The following CACNA1D variants were observed in gnomAD, a reference collection of about 807,000 sequenced individuals.
CACNA1D encodes the protein voltage-dependent L-type calcium channel subunit alpha-1D.
A neutral mutation model predicts 257.1 loss-of-function variants in CACNA1D; 55 were observed. The ratio of observed to expected loss-of-function variants is 0.21; its 90% CI spans 0.17 to 0.27. The LOEUF is 0.27. CACNA1D is among the 10% of genes least tolerant of loss of function. CACNA1D has a pLI of 1.00. For missense variants in CACNA1D, 1,876 were observed against 2,784.0 expected, an observed-to-expected ratio of 0.67 and a Z score of 7.34; for synonymous variants, 980 against 1,014.9, an observed-to-expected ratio of 0.97 and a Z score of 0.65.
chr3:53,656,192 T>C (rs1050973809), intron 4 of CACNA1D, among the ~76,000 whole-genome samples: 4 of 152,336 alleles, frequency 2.6e-5, no homozygotes, highest in African/African-American at 9.6e-5. Context: ...CCCTGTATTA[T>C]AATTTGAAGT....
chr3:53,692,802 T>A (rs1349563679), intron 8 of CACNA1D, among the ~76,000 whole-genome samples: 1 of 152,184 alleles, frequency 6.6e-6, no homozygotes, highest in African/African-American at 2.4e-5. Context: ...TCACGCCTGT[T>A]TTCCCAGCAC....
chr3:53,796,770 G>T (rs1173805659), intron 40 of CACNA1D, among the ~76,000 whole-genome samples: 1 of 152,152 alleles, frequency 6.6e-6, no homozygotes, highest in Non-Finnish European at 1.5e-5. Flanking sequence ...AATTATTTAT[G>T]ATAACATCTA....
intron 8 of CACNA1D, among the ~76,000 whole-genome samples, chr3:53,694,027 C>T (rs2094551744): frequency 6.6e-6 from 1 of 152,236 alleles, no homozygotes; most frequent in Admixed American, 6.5e-5. Context: ...TGCGTGTCCT[C>T]TTGCATCTGC....
chr3:53,664,571 AGCCCATACTGT>A (rs1486175632), intron 5 of CACNA1D, among the ~76,000 whole-genome samples: 2 of 152,176 alleles, frequency 1.3e-5, no homozygotes, highest in Non-Finnish European at 2.9e-5. Context: ...ACCACCCTCA[AGCCCATACTGT>A]GCTACTCTCC....
chr3:53,564,231 G>A (rs2092793483), intron 3 of CACNA1D, among the ~76,000 whole-genome samples: 1 of 152,070 alleles, frequency 6.6e-6, no homozygotes, highest in Non-Finnish European at 1.5e-5. Flanking sequence ...CATAATCTCA[G>A]CTCATTTCAA....
intron 3 of CACNA1D, among the ~76,000 whole-genome samples, chr3:53,506,190 G>C (rs1240646562): frequency 6.6e-6 from 1 of 152,162 alleles, no homozygotes; most frequent in Admixed American, 6.5e-5. Flanking sequence ...CCTAGGTTCT[G>C]TCTATTCTTC....
intron 30 of CACNA1D, 71 bp downstream of exon 30, chr3:53,762,152 C>G: frequency 2.1e-6 from 2 of 938,468 alleles, no homozygotes; most frequent in South Asian, 2.6e-5. Flanking sequence ...CGCTCCCTGC[C>G]CTGCAGTGGC....
intron 3 of CACNA1D, among the ~76,000 whole-genome samples, chr3:53,592,617 C>A (rs1441818729): frequency 6.6e-6 from 1 of 152,078 alleles, no homozygotes; most frequent in African/African-American, 2.4e-5. Flanking sequence ...GGGACACTTG[C>A]CTAATTCCTC....
At chr3:53,761,697 C>T (rs1274598870) in intron 29 of CACNA1D, among the ~76,000 whole-genome samples, 1 of 152,172 alleles carries the variant, frequency 6.6e-6, no homozygotes, top group Non-Finnish European at 1.5e-5. Context: ...AAATGCCTTC[C>T]TCTGCCCTGT....
intron 3 of CACNA1D, among the ~76,000 whole-genome samples, chr3:53,564,469 C>T (rs1043098369): frequency 6.6e-6 from 1 of 152,148 alleles, no homozygotes; most frequent in African/African-American, 2.4e-5. Flanking sequence ...ATTTATTAAA[C>T]TTCTTTATGT....
intron 3 of CACNA1D, among the ~76,000 whole-genome samples, chr3:53,528,331 A>G (rs968413864): frequency 1.3e-5 from 2 of 152,218 alleles, no homozygotes; most frequent in African/African-American, 4.8e-5. Context: ...TTGAAAATCA[A>G]TGGATCACAT....
intron 7 of CACNA1D, among the ~76,000 whole-genome samples, chr3:53,671,862 A>C (rs1038441012): frequency 2.0e-5 from 3 of 152,206 alleles, no homozygotes; most frequent in African/African-American, 7.2e-5. Context: ...TTAACACCCT[A>C]AGGGCTTGCA....
At chr3:53,788,279 A>G (rs1466624449) in intron 40 of CACNA1D, among the ~76,000 whole-genome samples, 1 of 152,178 alleles carries the variant, frequency 6.6e-6, no homozygotes, top group Non-Finnish European at 1.5e-5. Flanking sequence ...AAAGAGGCAT[A>G]TGCGGGTTGG....
At chr3:53,753,478 C>T (rs2095242578) in intron 28 of CACNA1D, 94 bp from the exon 29 acceptor site, 2 of 868,174 alleles carry the variant, frequency 2.3e-6, no homozygotes, top group South Asian at 2.7e-5. Flanking sequence ...GTGGAGGATG[C>T]CCACAGGGGC....
rs36061665 is a variant in CACNA1D at position 53,747,413 on chromosome 3, G to A, written c.3279G>A (p.Ala1093=). Residue 1093 remains alanine (A), a synonymous_variant, in exon 26 of 48, where the codon GCG becomes GCA. Transcript: ENST00000350061. ...ACAACGTCCTCTCTGCTATGATGGC[G>A]CTCTTCACAGTCTCCACGTTTGAGG... ...NFDNVLSAMM[A]LFTVSTFEGW... 5,501 of 1,614,168 alleles carry A rather than the reference G, an allele frequency of 3.4e-3. 9 individuals are homozygous for A. The highest frequency in any genetic ancestry group is 4.2e-3 in the Non-Finnish European group (4,932 of 1,179,974).
intron 3 of CACNA1D, among the ~76,000 whole-genome samples, chr3:53,588,236 G>A (rs1437352779): frequency 6.6e-6 from 1 of 152,208 alleles, no homozygotes; most frequent in Non-Finnish European, 1.5e-5. Flanking sequence ...GATTTCAAGG[G>A]ACCCGCTCTG....
intron 3 of CACNA1D, among the ~76,000 whole-genome samples, chr3:53,554,798 G>A (rs1378596708): frequency 6.6e-6 from 1 of 152,128 alleles, no homozygotes; most frequent in Admixed American, 6.5e-5. Flanking sequence ...TCAATATTTT[G>A]TTGATTAATG....
At chr3:53,503,632 A>G (rs542106966) in intron 3 of CACNA1D, among the ~76,000 whole-genome samples, 3 of 152,374 alleles carry the variant, frequency 2.0e-5, no homozygotes, top group African/African-American at 7.2e-5. Context: ...GGGCACTGAT[A>G]TAGGCACTGT....
chr3:53,744,654 G>T (rs1308411725), intron 22 of CACNA1D, 86 bp from the exon 23 acceptor site: 5 of 818,312 alleles, frequency 6.1e-6, no homozygotes, highest in African/African-American at 5.0e-5. Context: ...GGATACTAAA[G>T]TGAAGATCCA....
Sources: allele counts gnomAD v4.1 joint callset (sites outside exome capture counted in the v4.1 genomes callset), GRCh38; gene constraint gnomAD v4.1.1; transcripts MANE v1.5; gene names NCBI Gene and HGNC (gene_info 2026-07-23, HGNC 2026-07-21).